The following NASP variants were observed in gnomAD, a reference collection of about 807,000 sequenced individuals.
NASP encodes the protein NASP histone chaperone.
NASP carries 24 observed loss-of-function variants against 89.5 expected under a neutral mutation model. That is an observed-to-expected ratio of 0.27 (90% CI 0.19 to 0.38). The LOEUF is 0.38. Ranked by LOEUF, NASP falls within the 10% of genes least tolerant of loss-of-function variation. NASP has a pLI of 1.00. For synonymous variants in NASP, 306 were observed against 324.7 expected (o/e 0.94, Z 0.62); for missense variants, 848 against 921.4 (o/e 0.92, Z 1.03).
intron 1 of NASP, 141 bp downstream of exon 1, chr1:45,584,346 G>A: frequency 1.4e-6 from 1 of 738,934 alleles, no homozygotes; most frequent in Non-Finnish European, 2.2e-6. Context: ...GGAAGGCCTG[G>A]TCACTGGAGC....
chr1:45,587,907 T>C (rs1021284720), intron 1 of NASP, among the ~76,000 whole-genome samples: 1 of 150,936 alleles, frequency 6.6e-6, no homozygotes, highest in Non-Finnish European at 1.5e-5. Context: ...TGAGTCGAGA[T>C]TGTGCCACTG....
At position 45,608,041 on chromosome 1, in the gene NASP, A is replaced by T; in HGVS notation, c.1130A>T (p.Asp377Val). 1.2e-6 allele frequency: 2 copies of T among 1,614,012 alleles called. No individual in the cohort carries two copies. Among genetic ancestry groups the T allele is most frequent in the Non-Finnish European group, 1.7e-6 (2 of 1,179,906 alleles). Residue 377 changes from aspartate to valine, a missense_variant, in exon 6 of 15, where the codon GAT becomes GTT. Asp to Val is a radical substitution (Grantham distance 152). Transcript: ENST00000350030. Reference protein sequence around the residue: ...PGQEAPVLPKDGAVNGPSVVG... With the variant: ...PGQEAPVLPKVGAVNGPSVVG... Reference sequence around the variant, plus strand: ...CAGGAGGCTCCAGTTCTCCCTAAGGATGGTGCAGTCAATGGACCGTCAGTT... The same window carrying T: ...CAGGAGGCTCCAGTTCTCCCTAAGGTTGGTGCAGTCAATGGACCGTCAGTT...
At chr1:45,586,270 GTGTGTGTGTGTGT>G (rs1644538448) in intron 1 of NASP, among the ~76,000 whole-genome samples, 2 of 62,270 alleles carry the variant, frequency 3.2e-5, no homozygotes, top group African/African-American at 1.3e-4. Flanking sequence ...GTGTGTGTGT[GTGTGTGTGTGTGT>G]GGTGTGTGTG....
At chr1:45,597,919 C>T (rs1363739716) in intron 2 of NASP, among the ~76,000 whole-genome samples, 2 of 152,198 alleles carry the variant, frequency 1.3e-5, no homozygotes, top group South Asian at 2.1e-4. Context: ...TTGACCCCCT[C>T]ATACTTCCCT....
Position 45,607,894 on chromosome 1 carries a change from C to T in NASP, c.983C>T (p.Ala328Val), listed in dbSNP as rs535215279. The change falls in exon 6 of 15, where the codon GCG becomes GTG. Residue 328 changes from alanine (A) to valine (V), a missense_variant. Physicochemically the swap from Ala to Val is moderately conservative, Grantham distance 64 (BLOSUM62 0). Transcript: ENST00000350030. ...VVTSENEAGK[A>V]VLEQLVGQEV... is the part of the protein sequence containing the mutation. ...ACCTCTGAAAACGAGGCAGGAAAGGCGGTTCTTGAACAACTGGTAGGTCAA... is the reference window on the plus strand; with the variant it reads ...ACCTCTGAAAACGAGGCAGGAAAGGTGGTTCTTGAACAACTGGTAGGTCAA... 5.4e-5 allele frequency: 87 copies of T among 1,613,970 alleles called. No homozygotes were observed. Among genetic ancestry groups the T allele is most frequent in the Middle Eastern group, 1.6e-4 (1 of 6,082 alleles).
intron 1 of NASP, among the ~76,000 whole-genome samples, chr1:45,590,963 A>C (rs1181233865): frequency 6.6e-6 from 1 of 152,220 alleles, no homozygotes; most frequent in Admixed American, 6.5e-5. Flanking sequence ...TACAACCTGT[A>C]GCTGAAAGCA....
chr1:45,586,654 A>C (rs961213885), intron 1 of NASP, among the ~76,000 whole-genome samples: 1 of 152,134 alleles, frequency 6.6e-6, no homozygotes, highest in African/African-American at 2.4e-5. Context: ...ACATGAAAGC[A>C]GTGTGTCTCA....
intron 2 of NASP, among the ~76,000 whole-genome samples, chr1:45,593,451 T>C (rs1045657033): frequency 2.0e-5 from 3 of 149,528 alleles, no homozygotes; most frequent in African/African-American, 7.4e-5. Flanking sequence ...GAGAATCACT[T>C]GAACCTGGGA....
intron 4 of NASP, among the ~76,000 whole-genome samples, chr1:45,605,889 G>A (rs1247511156): frequency 6.6e-6 from 1 of 151,252 alleles, no homozygotes; most frequent in Non-Finnish European, 1.5e-5. Context: ...CGATTCTCCT[G>A]CCTTAGCTTC....
intron 13 of NASP, 88 bp from the exon 14 acceptor site, chr1:45,617,375 T>C (rs899363187): frequency 6.8e-6 from 10 of 1,461,076 alleles, no homozygotes; most frequent in Admixed American, 6.1e-5. Context: ...TCAGGATCTT[T>C]GCACCACAAG....
At chr1:45,614,506 T>G in intron 9 of NASP, 140 bp downstream of exon 9, 6 of 691,832 alleles carry the variant, frequency 8.7e-6, no homozygotes, top group Admixed American at 2.7e-5. Context: ...GAACAGTCTC[T>G]TCCAAGTGGC....
chr1:45,591,703 GT>G (rs1643553614), intron 2 of NASP, among the ~76,000 whole-genome samples: 1 of 107,064 alleles, frequency 9.3e-6, no homozygotes, highest in African/African-American at 3.6e-5. Context: ...ATGGTTTTTT[GT>G]TTTTCTTTAT....
chr1:45,600,782 A>G (rs1334342767), intron 2 of NASP, among the ~76,000 whole-genome samples: 2 of 152,198 alleles, frequency 1.3e-5, no homozygotes, highest in South Asian at 2.1e-4. Flanking sequence ...AAGTGATTCT[A>G]CCATTACATT....
intron 1 of NASP, among the ~76,000 whole-genome samples, chr1:45,585,225 C>T (rs1192579779): frequency 6.6e-6 from 1 of 152,164 alleles, no homozygotes; most frequent in Non-Finnish European, 1.5e-5. Context: ...TCTGATTTCC[C>T]AATCTTGCCA....
chr1:45,605,743 T>G (rs1250848818), intron 4 of NASP: 1 of 150,414 alleles, frequency 6.6e-6, no homozygotes, highest in Non-Finnish European at 1.5e-5. Context: ...ATTACAGGCG[T>G]GAGTCACTGC....
chr1:45,598,331 C>T (rs756916955), intron 2 of NASP, among the ~76,000 whole-genome samples: 7 of 152,050 alleles, frequency 4.6e-5, no homozygotes, highest in East Asian at 1.9e-4. Flanking sequence ...CCACCATGCC[C>T]GGCTAATTTT....
chr1:45,596,497 T>A (rs1414087274), intron 2 of NASP, among the ~76,000 whole-genome samples: 1 of 152,212 alleles, frequency 6.6e-6, no homozygotes, highest in African/African-American at 2.4e-5. Context: ...TCACTTAGCA[T>A]AGTGTTCTTA....
chr1:45,618,493 G>A lies in NASP; in HGVS notation c.*352G>A, dbSNP rs1053751719. 4.4e-5 allele frequency: 8 copies of A among 183,806 alleles called. No individual in the cohort carries two copies. Among genetic ancestry groups the A allele is most frequent in the Admixed American group, 2.2e-4 (4 of 18,134 alleles). 11.4% of individuals were successfully genotyped at this position (183,806 alleles called of 1,614,324 possible). A position where few individuals can be genotyped will look rare whatever the true frequency, so the allele number is the denominator to read the frequency against. On this transcript the variant is annotated 3_prime_UTR_variant, in exon 15 of 15. Coordinates refer to ENST00000350030, the MANE Select transcript of NASP (RefSeq NM_002482.4). ...AGCTGTCTTGCAAACTTTCAGTGGT[G>A]CTGTCCCTGGATGGGGGCTACAAAA...
In NASP at chr1:45,617,572, C is replaced by T. The variant is rs749672551; in HGVS notation, c.2267C>T (p.Ser756Leu). The change falls in exon 14 of 15, where the codon TCG (serine) becomes TTG (leucine). Residue 756 changes from serine to leucine, a missense_variant. Physicochemically the swap from Ser to Leu is moderately radical, Grantham distance 145 (BLOSUM62 -2). Around this residue, in one of 5 missense-constraint regions of NASP, gnomAD observed 218 missense variants for 219.6 expected, o/e 0.99. Coordinates refer to ENST00000350030, the MANE Select transcript of NASP (RefSeq NM_002482.4). ...GCTGTCCCCAGTGGAAATGAAGTTT[C>T]GGAAAACATGGAGGAGGAGGTGGGC... ...GDAVPSGNEV[S>L]ENMEEEAENQ... is the part of the protein sequence containing the mutation. 2.4e-5 allele frequency: 38 copies of T among 1,594,818 alleles called. 1 individual carries two copies. Among genetic ancestry groups the T allele is most frequent in the South Asian group, 1.0e-4 (9 of 87,912 alleles).
Sources: allele counts gnomAD v4.1 joint callset (sites outside exome capture counted in the v4.1 genomes callset), GRCh38; gene constraint gnomAD v4.1.1; regional missense constraint gnomAD v4.1.1; transcripts MANE v1.5; gene names NCBI Gene and HGNC (gene_info 2026-07-23, HGNC 2026-07-21).